The following EIF6 variants were observed in gnomAD, a reference collection of about 807,000 sequenced individuals.
EIF6 encodes B4 integrin interactor.
In EIF6, 10 loss-of-function variants were observed where a neutral mutation model predicts 25.5. That is an observed-to-expected ratio of 0.39 (90% CI 0.24 to 0.66). EIF6 has a LOEUF of 0.66. Ranked by LOEUF, EIF6 falls within the 30% of genes least tolerant of loss-of-function variation. The pLI, the probability that EIF6 is intolerant of heterozygous loss-of-function variation, is 0.45. For missense variants in EIF6, 246 were observed against 315.4 expected (o/e 0.78, Z 1.67); for synonymous variants, 122 against 122.6 (o/e 1.00, Z 0.03).
In EIF6 at chr20:35,278,957, A is replaced by C. The variant is rs983969377; in HGVS notation, c.*240T>G. 2.2e-5 allele frequency: 13 copies of C among 588,144 alleles called. No individual in the cohort carries two copies. In the Admixed American group the frequency reaches 3.5e-4, roughly 16 times the overall value. 36.4% of individuals were successfully genotyped at this position (588,144 alleles called of 1,614,324 possible). ...CTGCACTTTAATGGGGTGGCACAGG[A>C]CAGCAGAACCCTCAGCCAGCAGCCA... On this transcript the variant is annotated 3_prime_UTR_variant, in exon 7 of 7. Coordinates refer to ENST00000374450, the MANE Select transcript of EIF6 (RefSeq NM_002212.4).
intron 5 of EIF6, 60 bp downstream of exon 5, chr20:35,279,882 C>A: frequency 6.3e-7 from 1 of 1,594,338 alleles, no homozygotes; most frequent in South Asian, 1.1e-5. Context: ...CCCAGACTCC[C>A]AAACACTAGG....
chr20:35,279,184 C>T lies in EIF6; in HGVS notation c.*13G>A. 6.2e-7 allele frequency: 1 copy of T among 1,613,994 alleles called. No homozygotes were observed. The highest frequency in any genetic ancestry group is 1.1e-5 in the South Asian group (1 of 91,064). Reference sequence around the variant, plus strand: ...CCAGAGCCAGGAGCCCATGGAACAACTTGGAAGGTGACTCAGGTGAGGCTG... The same window carrying T: ...CCAGAGCCAGGAGCCCATGGAACAATTTGGAAGGTGACTCAGGTGAGGCTG... On this transcript the variant is annotated 3_prime_UTR_variant, in exon 7 of 7. Transcript: ENST00000374450.
At chr20:35,279,911 G>A (rs753302813) in intron 5 of EIF6, 31 bp downstream of exon 5, 8 of 1,606,974 alleles carry the variant, frequency 5.0e-6, no homozygotes, top group Non-Finnish European at 6.8e-6. Context: ...TCTGCCTCGG[G>A]AGACGGGGTT....
chr20:35,282,862 G>A (rs553608074), intron 3 of EIF6, among the ~76,000 whole-genome samples: 8 of 151,888 alleles, frequency 5.3e-5, no homozygotes, highest in East Asian at 3.9e-4. Flanking sequence ...CACCTGCCTC[G>A]ACCTCCCAAG....
intron 3 of EIF6, among the ~76,000 whole-genome samples, chr20:35,281,793 G>T (rs182703687): frequency 6.6e-6 from 1 of 152,186 alleles, no homozygotes; most frequent in Admixed American, 6.5e-5. Flanking sequence ...TGTTGGCAAA[G>T]ATATATGGAG....
At position 35,279,224 on chromosome 20, in the gene EIF6, C is replaced by T. The variant is rs765186255; in HGVS notation, c.729-18G>A. The T allele has an allele frequency of 1.7e-5, 28 of 1,613,070 alleles. No homozygotes were observed. Among genetic ancestry groups the T allele is most frequent in the Non-Finnish European group, 2.1e-5 (25 of 1,179,626 alleles). Reference sequence around the variant, plus strand: ...AGGTGAGGCTGAAGAGAAAGGAAAGCGCACGGTCAGTAGCTGTTTCACAGA... The same window carrying T: ...AGGTGAGGCTGAAGAGAAAGGAAAGTGCACGGTCAGTAGCTGTTTCACAGA... On this transcript the variant is annotated intron_variant, in intron 6 of 6. Coordinates refer to ENST00000374450, the MANE Select transcript of EIF6 (RefSeq NM_002212.4).
chr20:35,279,455 C>A, intron 6 of EIF6, 111 bp downstream of exon 6: 2 of 1,451,090 alleles, frequency 1.4e-6, no homozygotes, highest in Non-Finnish European at 9.4e-7. Flanking sequence ...ACTCGAGAAG[C>A]TACCAGAACA....
At position 35,279,264 on chromosome 20, in the gene EIF6, C is replaced by G; in HGVS notation, c.729-58G>C. On this transcript the variant is annotated intron_variant, in intron 6 of 6. Coordinates refer to ENST00000374450, the MANE Select transcript of EIF6 (RefSeq NM_002212.4). ...TGTTTCACAGAGCCCACCTCACTCT[C>G]AAGTGAGGTGCCTGCCTCAGCCCTC... 25 of 1,593,720 alleles carry G rather than the reference C, an allele frequency of 1.6e-5. No homozygotes were observed. In the South Asian group the frequency reaches 2.7e-4, roughly 17 times the overall value.
chr20:35,280,213 A>G, intron 4 of EIF6, 95 bp from the exon 5 acceptor site: 1 of 1,382,066 alleles, frequency 7.2e-7, no homozygotes, highest in Non-Finnish European at 9.9e-7. Flanking sequence ...TGGCTCCCTG[A>G]GCCCCTCATT....
intron 1 of EIF6, 101 bp from the exon 2 acceptor site, chr20:35,284,593 T>C (rs2060809668): frequency 7.4e-7 from 1 of 1,345,494 alleles, no homozygotes; most frequent in Non-Finnish European, 1.0e-6. Context: ...CCTCTCGGCC[T>C]CCCGGCCCCT....
chr20:35,284,151 C>A, intron 3 of EIF6, 25 bp downstream of exon 3: 2 of 1,562,368 alleles, frequency 1.3e-6, no homozygotes, highest in Admixed American at 1.7e-5. Flanking sequence ...CCACTCCCTC[C>A]CTCGGCGTCC....
chr20:35,278,981 C>CT lies in EIF6; in HGVS notation c.*215_*216insA. The CT allele has an allele frequency of 1.6e-6, 1 of 626,290 alleles. No individual in the cohort carries two copies. The allele number at this position is 626,290 out of a possible 1,614,324, so 38.8% of individuals were successfully genotyped here. A position where few individuals can be genotyped will look rare whatever the true frequency, so the allele number is the denominator to read the frequency against. On this transcript the variant is annotated 3_prime_UTR_variant, in exon 7 of 7. Transcript: ENST00000374450. Reference sequence around the variant, plus strand: ...GACAGCAGAACCCTCAGCCAGCAGCCACAGGGCCTGCCAGCCAGCACAACA... The same window carrying CT: ...GACAGCAGAACCCTCAGCCAGCAGCCTACAGGGCCTGCCAGCCAGCACAACA...
At chr20:35,280,621 C>T (rs768139277) in intron 4 of EIF6, 33 bp downstream of exon 4, 2 of 1,608,082 alleles carry the variant, frequency 1.2e-6, no homozygotes, top group Non-Finnish European at 1.7e-6. Context: ...TAGGATGGCC[C>T]TGTGACTCTT....
At chr20:35,281,318 G>A (rs1484936182) in intron 3 of EIF6, among the ~76,000 whole-genome samples, 6 of 151,448 alleles carry the variant, frequency 4.0e-5, no homozygotes, top group Non-Finnish European at 8.8e-5. Flanking sequence ...CCCGGGAGGC[G>A]GAGCTTGCAG....
intron 1 of EIF6, 88 bp from the exon 2 acceptor site, chr20:35,284,580 G>GC: frequency 7.0e-7 from 1 of 1,433,442 alleles, no homozygotes; most frequent in East Asian, 2.3e-5. Flanking sequence ...CCGCGACCCC[G>GC]CCCCTCTCGG....
chr20:35,284,318 C>T, intron 2 of EIF6, 57 bp from the exon 3 acceptor site: 1 of 1,613,886 alleles, frequency 6.2e-7, no homozygotes, highest in Non-Finnish European at 8.5e-7. Flanking sequence ...CCTCCCACTG[C>T]CGGAGCTCTT....
Position 35,280,144 on chromosome 20 carries a change from G to A in EIF6, c.370-26C>T, listed in dbSNP as rs144725041. The A allele has an allele frequency of 4.3e-6, 7 of 1,609,772 alleles. No homozygotes were observed. The South Asian group carries it at 7.7e-5, about 18-fold the overall frequency. Reference sequence around the variant, plus strand: ...CTGTCAATCAAAGATATTGTGTTCAGGGCTCAGAACTTACAGCCCCAGAAC... The same window carrying A: ...CTGTCAATCAAAGATATTGTGTTCAAGGCTCAGAACTTACAGCCCCAGAAC... On this transcript the variant is annotated intron_variant, in intron 4 of 6. Coordinates refer to ENST00000374450, the MANE Select transcript of EIF6 (RefSeq NM_002212.4).
In EIF6 at chr20:35,279,619, A is replaced by G. The variant is rs1446031148; in HGVS notation, c.675T>C (p.Asn225=). 2 of 1,614,068 alleles carry G rather than the reference A, an allele frequency of 1.2e-6. No homozygotes were observed. The highest frequency in any genetic ancestry group is 1.3e-5 in the African/African-American group (1 of 74,932). Residue 225 remains asparagine (N), a synonymous_variant, in exon 6 of 7, where the codon AAT becomes AAC. Coordinates refer to ENST00000374450, the MANE Select transcript of EIF6 (RefSeq NM_002212.4). ...LSVVESVFKL[N]EAQPSTIATS... is the part of the protein sequence containing the mutation. ...TGGCAATGGTGCTAGGCTGGGCTTCATTCAGCTTGAAGACACTCTCCACCA... is the reference window on the plus strand; with the variant it reads ...TGGCAATGGTGCTAGGCTGGGCTTCGTTCAGCTTGAAGACACTCTCCACCA...
rs1046968917 is a variant in EIF6 at position 35,284,491 on chromosome 20, G to A, written c.-4C>T. On this transcript the variant is annotated splice_region_variant and 5_prime_UTR_variant, in exon 2 of 7. Transcript: ENST00000374450. ...CGAACGAAGCTCGGACCGCCATGAG[G>A]CCTAGGGGCGGCGGAGGCGGGAGTT... 6.3e-7 allele frequency: 1 copy of A among 1,594,022 alleles called. No homozygotes were observed. The highest frequency in any genetic ancestry group is 1.7e-5 in the Admixed American group (1 of 59,168).
Sources: gnomAD v4.1 joint callset for allele counts (sites outside exome capture counted in the v4.1 genomes callset) on GRCh38, gnomAD v4.1.1 for gene constraint, MANE v1.5 for transcripts, NCBI Gene and HGNC (gene_info 2026-07-23, HGNC 2026-07-21) for gene names.